MINDY3: variants seen among roughly 807,000 people sequenced by gnomAD.
MINDY3 encodes the protein MINDY lysine 48 deubiquitinase 3, also known as ubiquitin carboxyl-terminal hydrolase MINDY-3.
In MINDY3, 38 loss-of-function variants were observed where a neutral mutation model predicts 69.2. The ratio of observed to expected loss-of-function variants is 0.55; its 90% CI spans 0.42 to 0.72. The LOEUF (loss-of-function observed/expected upper bound fraction) is 0.72, where lower values mean the gene tolerates loss of function less well. Among genes scored for constraint, MINDY3 ranks in the 30% least tolerant of loss-of-function variants. MINDY3 has a pLI of 0.00. For synonymous variants in MINDY3, 192 were observed against 180.1 expected, an observed-to-expected ratio of 1.07 and a Z score of -0.53; for missense variants, 522 against 519.0, an observed-to-expected ratio of 1.01 and a Z score of -0.06.
At chr10:15,853,427 T>C (rs571736915) in intron 1 of MINDY3, among the ~76,000 whole-genome samples, 1 of 152,116 alleles carries the variant, frequency 6.6e-6, no homozygotes, top group African/African-American at 2.4e-5. Flanking sequence ...GTGTAATACA[T>C]TGCTGGTTCC....
chr10:15,821,807 T>C (rs974388684), intron 8 of MINDY3, 81 bp from the exon 9 acceptor site: 14 of 1,045,194 alleles, frequency 1.3e-5, no homozygotes, highest in East Asian at 2.5e-5. Context: ...TACTTATATG[T>C]ATATATATTT....
intron 8 of MINDY3, among the ~76,000 whole-genome samples, chr10:15,823,776 T>C (rs989955530): frequency 1.3e-5 from 2 of 152,088 alleles, no homozygotes; most frequent in Non-Finnish European, 2.9e-5. Context: ...TCTAACCCAC[T>C]CCCCTCATGC....
At chr10:15,817,033 T>G in intron 9 of MINDY3, 118 bp from the exon 10 acceptor site, 1 of 749,762 alleles carries the variant, frequency 1.3e-6, no homozygotes, top group East Asian at 2.7e-5. Context: ...TGAAATAATG[T>G]ATTGTGCCCG....
At chr10:15,799,241 C>T (rs545890300) in intron 10 of MINDY3, among the ~76,000 whole-genome samples, 4 of 152,118 alleles carry the variant, frequency 2.6e-5, no homozygotes, top group African/African-American at 9.6e-5. Flanking sequence ...GCTCTGTTGC[C>T]CAGGCTGGAG....
intron 10 of MINDY3, among the ~76,000 whole-genome samples, chr10:15,803,763 T>C (rs543685690): frequency 1.1e-3 from 163 of 152,220 alleles, no homozygotes; most frequent in Non-Finnish European, 1.6e-3. Flanking sequence ...TCTTATTAAA[T>C]TTATCCTAAG....
chr10:15,797,567 A>C (rs533945674), intron 10 of MINDY3, among the ~76,000 whole-genome samples: 2 of 152,144 alleles, frequency 1.3e-5, no homozygotes, highest in South Asian at 2.1e-4. Flanking sequence ...AAAAATGCTG[A>C]ATCAAATAAA....
intron 8 of MINDY3, among the ~76,000 whole-genome samples, chr10:15,833,105 G>A (rs1200931371): frequency 6.6e-6 from 1 of 152,194 alleles, no homozygotes; most frequent in African/African-American, 2.4e-5. Context: ...CCATTTCAAT[G>A]TGCCTGACAA....
chr10:15,779,093 T>C lies in MINDY3; in HGVS notation c.1237A>G (p.Met413Val), dbSNP rs1836313366. 1.9e-6 allele frequency: 3 copies of C among 1,613,564 alleles called. No individual in the cohort carries two copies. Among genetic ancestry groups the C allele is most frequent in the Non-Finnish European group, 2.5e-6 (3 of 1,179,786 alleles). The change falls in exon 15 of 15, where the codon ATG becomes GTG. Residue 413 changes from methionine (M) to valine (V), a missense_variant. By Grantham distance (21) the Met-to-Val change is conservative. Transcript: ENST00000277632. Reference sequence around the variant, plus strand: ...ATAGGAGTGTCATCTGTCTGTAGCATGGGATCTTCAAAACCCATCACAACT... The same window carrying C: ...ATAGGAGTGTCATCTGTCTGTAGCACGGGATCTTCAAAACCCATCACAACT... ...TAVVMGFEDP[M>V]LQTDDTPIKR...
intron 6 of MINDY3, among the ~76,000 whole-genome samples, chr10:15,835,741 G>A (rs979359486): frequency 1.2e-4 from 18 of 145,808 alleles, no homozygotes; most frequent in African/African-American, 3.8e-4. Flanking sequence ...CAGCTACTCC[G>A]AACATCTACA....
chr10:15,805,407 T>C (rs549115899), intron 10 of MINDY3, among the ~76,000 whole-genome samples: 72 of 152,228 alleles, frequency 4.7e-4, no homozygotes, highest in South Asian at 2.7e-3. Context: ...AGAATAGTTA[T>C]ACTGGTAATA....
chr10:15,801,510 C>T (rs887317127), intron 10 of MINDY3, among the ~76,000 whole-genome samples: 6 of 152,024 alleles, frequency 3.9e-5, no homozygotes, highest in Admixed American at 2.0e-4. Context: ...TGTCCCTGGC[C>T]ACCCAGAATC....
intron 5 of MINDY3, 117 bp from the exon 6 acceptor site, chr10:15,837,435 T>A: frequency 7.9e-7 from 1 of 1,261,634 alleles, no homozygotes; most frequent in Non-Finnish European, 1.1e-6. Flanking sequence ...CAGGAAAGTT[T>A]TGGGACGTTT....
intron 10 of MINDY3, among the ~76,000 whole-genome samples, chr10:15,806,489 T>G (rs1438320738): frequency 6.6e-6 from 1 of 152,136 alleles, no homozygotes; most frequent in African/African-American, 2.4e-5. Context: ...TTTGCATGAT[T>G]ACAAATTAGT....
chr10:15,781,431 A>G (rs1049971669), intron 14 of MINDY3, among the ~76,000 whole-genome samples: 15 of 149,808 alleles, frequency 1.0e-4, no homozygotes, highest in African/African-American at 3.7e-4. Context: ...TATAACTAGT[A>G]TGTACTGTAA....
intron 2 of MINDY3, among the ~76,000 whole-genome samples, chr10:15,847,442 A>G (rs1833931023): frequency 6.6e-6 from 1 of 152,234 alleles, no homozygotes; most frequent in Non-Finnish European, 1.5e-5. Flanking sequence ...TTCAAATTTG[A>G]AAAAGTTATA....
chr10:15,854,392 T>G (rs1457045806), intron 1 of MINDY3, among the ~76,000 whole-genome samples: 1 of 152,104 alleles, frequency 6.6e-6, no homozygotes, highest in African/African-American at 2.4e-5. Context: ...TCCAGCTGTC[T>G]TCTAATATGA....
chr10:15,816,091 C>A (rs1280644460), intron 10 of MINDY3, among the ~76,000 whole-genome samples: 6 of 151,836 alleles, frequency 4.0e-5, no homozygotes, highest in Non-Finnish European at 7.4e-5. Context: ...CATGGCGAAA[C>A]TGTCTCTACT....
At position 15,851,108 on chromosome 10, in the gene MINDY3, A is replaced by C. The variant is rs960116088; in HGVS notation, c.95-3165T>G. Among the ~76,000 whole-genome samples the C allele has an allele frequency of 2.0e-5, 3 of 152,194 alleles. No homozygotes were observed. The East Asian group carries it at 5.8e-4, about 29-fold the overall frequency. ...CTGAAATGCTGACCACAAACCTGCG[A>C]AACTTTTGTCCCTTGGCTTTTTGTT... On this transcript the variant is annotated intron_variant, in intron 1 of 14. Coordinates refer to ENST00000277632, the MANE Select transcript of MINDY3 (RefSeq NM_024948.4).
chr10:15,831,580 T>C (rs574465338), intron 8 of MINDY3, among the ~76,000 whole-genome samples: 2 of 152,042 alleles, frequency 1.3e-5, no homozygotes, highest in South Asian at 4.1e-4. Context: ...GACATATGTG[T>C]ACATCTCAAG....
Sources: allele counts gnomAD v4.1 joint callset (sites outside exome capture counted in the v4.1 genomes callset), GRCh38; gene constraint gnomAD v4.1.1; transcripts MANE v1.5; gene names NCBI Gene and HGNC (gene_info 2026-07-23, HGNC 2026-07-21).